Variants in DLG2 observed in about 807,000 individuals in gnomAD.
DLG2 encodes disks large homolog 2.
In DLG2, 45 loss-of-function variants were observed where a neutral mutation model predicts 132.5. The ratio of observed to expected loss-of-function variants is 0.34; its 90% CI spans 0.27 to 0.44. The LOEUF (loss-of-function observed/expected upper bound fraction) is 0.44, where lower values mean the gene tolerates loss of function less well. Ranked by LOEUF, DLG2 falls within the 20% of genes least tolerant of loss-of-function variation. The pLI is 1.00. For synonymous variants in DLG2, 424 were observed against 419.6 expected (o/e 1.01, Z -0.13); for missense variants, 1,045 against 1,196.9 (o/e 0.87, Z 1.87).
chr11:85,304,353 A>G (rs977727206), intron 3 of DLG2, among the ~76,000 whole-genome samples: 2 of 152,152 alleles, frequency 1.3e-5, no homozygotes, highest in Admixed American at 6.5e-5. Context: ...CTTCAGAATT[A>G]ATTTAAGAAA....
chr11:84,424,279 C>T (rs888745106), intron 7 of DLG2, among the ~76,000 whole-genome samples: 4 of 152,088 alleles, frequency 2.6e-5, no homozygotes, highest in Non-Finnish European at 5.9e-5. Flanking sequence ...CCCATCCATG[C>T]TGATATTGTG....
At chr11:84,600,305 G>A (rs931326436) in intron 6 of DLG2, among the ~76,000 whole-genome samples, 2 of 151,882 alleles carry the variant, frequency 1.3e-5, no homozygotes, top group Admixed American at 1.3e-4. Context: ...GAATGTCAGG[G>A]CAAAAATAGG....
At chr11:85,207,195 T>G (rs560388386) in intron 4 of DLG2, among the ~76,000 whole-genome samples, 10 of 152,170 alleles carry the variant, frequency 6.6e-5, no homozygotes, top group Non-Finnish European at 1.5e-4. Context: ...ATTGTACTAA[T>G]GAGGAGGGAA....
chr11:85,524,287 T>A (rs2074566207), intron 3 of DLG2, among the ~76,000 whole-genome samples: 1 of 152,174 alleles, frequency 6.6e-6, no homozygotes, highest in Non-Finnish European at 1.5e-5. Flanking sequence ...TTGCTTGAGG[T>A]GATGAATAGT....
chr11:84,472,851 G>A (rs1567723979), intron 7 of DLG2, among the ~76,000 whole-genome samples: 2 of 151,792 alleles, frequency 1.3e-5, no homozygotes, highest in African/African-American at 2.4e-5. Context: ...TTGCTAATTC[G>A]AGAGATTATC....
At chr11:84,339,922 A>T (rs1261704997) in intron 7 of DLG2, among the ~76,000 whole-genome samples, 1 of 152,178 alleles carries the variant, frequency 6.6e-6, no homozygotes, top group African/African-American at 2.4e-5. Context: ...CTTCAGTATC[A>T]GTAAATCTCC....
intron 3 of DLG2, among the ~76,000 whole-genome samples, chr11:85,514,393 T>G (rs1262765108): frequency 1.3e-5 from 2 of 152,020 alleles, no homozygotes; most frequent in African/African-American, 4.8e-5. Flanking sequence ...TGAAATCACA[T>G]AGGAGAAATT....
intron 7 of DLG2, among the ~76,000 whole-genome samples, chr11:84,266,645 C>T (rs1013465207): frequency 6.6e-6 from 1 of 152,184 alleles, no homozygotes; most frequent in Non-Finnish European, 1.5e-5. Context: ...ACACCATGAA[C>T]TGGGACTGAA....
At position 84,623,307 on chromosome 11, in the gene DLG2, C is replaced by T. The variant is rs971882012; in HGVS notation, c.358-88576G>A. On this transcript the variant is annotated intron_variant, in intron 6 of 27. Coordinates refer to ENST00000376104, the MANE Select transcript of DLG2 (RefSeq NM_001142699.3). Reference sequence around the variant, plus strand: ...GAAACGGCAGACCTTCTGATCTCCCCGACACAAACTTGCTCCCTCCCTATC... The same window carrying T: ...GAAACGGCAGACCTTCTGATCTCCCTGACACAAACTTGCTCCCTCCCTATC... Among the ~76,000 whole-genome samples the T allele has an allele frequency of 3.9e-5, 6 of 151,946 alleles. No individual in the cohort carries two copies. In the South Asian group the frequency reaches 6.2e-4, roughly 16 times the overall value.
intron 6 of DLG2, among the ~76,000 whole-genome samples, chr11:84,623,627 A>C (rs2099617558): frequency 6.6e-6 from 1 of 152,204 alleles, no homozygotes; most frequent in Non-Finnish European, 1.5e-5. Context: ...ATTCTTCTGC[A>C]TTTGAATTTT....
intron 3 of DLG2, among the ~76,000 whole-genome samples, chr11:85,351,320 T>C (rs548890810): frequency 1.3e-5 from 2 of 152,292 alleles, no homozygotes; most frequent in Non-Finnish European, 2.9e-5. Context: ...GCTGAGATGA[T>C]GGGGTTTTCT....
chr11:85,228,129 C>A (rs2075084419), intron 4 of DLG2, among the ~76,000 whole-genome samples: 1 of 152,004 alleles, frequency 6.6e-6, no homozygotes, highest in African/African-American at 2.4e-5. Flanking sequence ...GTTCCTCATA[C>A]CCTATCTCCT....
chr11:83,986,095 C>G (rs2093275146), intron 11 of DLG2, among the ~76,000 whole-genome samples: 1 of 151,394 alleles, frequency 6.6e-6, no homozygotes, highest in Non-Finnish European at 1.5e-5. Flanking sequence ...TTTTAGGGTA[C>G]ATGTGCACAA....
At chr11:84,094,216 A>T (rs906126388) in intron 10 of DLG2, among the ~76,000 whole-genome samples, 6 of 152,250 alleles carry the variant, frequency 3.9e-5, no homozygotes, top group Admixed American at 2.0e-4. Context: ...CCAGTTCCTC[A>T]ATTTTCTTAT....
chr11:84,355,580 G>C (rs183960514), intron 7 of DLG2, among the ~76,000 whole-genome samples: 139 of 152,150 alleles, frequency 9.1e-4, no homozygotes, highest in Middle Eastern at 3.4e-3. Context: ...ATAAACTTTT[G>C]TTGTTATAAG....
intron 3 of DLG2, among the ~76,000 whole-genome samples, chr11:85,480,443 C>A (rs1170957774): frequency 1.3e-5 from 2 of 151,998 alleles, no homozygotes; most frequent in African/African-American, 2.4e-5. Context: ...CTACAAGTAT[C>A]CATAAGGATG....
intron 15 of DLG2, among the ~76,000 whole-genome samples, chr11:83,882,825 G>C (rs965077072): frequency 6.6e-6 from 1 of 152,168 alleles, no homozygotes; most frequent in African/African-American, 2.4e-5. Context: ...CCAGGTATTA[G>C]TTCTTTCCTT....
chr11:83,571,515 C>T (rs558419801), intron 19 of DLG2, among the ~76,000 whole-genome samples: 3 of 149,318 alleles, frequency 2.0e-5, no homozygotes, highest in African/African-American at 7.4e-5. Context: ...TCTGCTTACT[C>T]ACAAGGAATT....
chr11:85,537,642 C>T (rs181637806), intron 3 of DLG2, among the ~76,000 whole-genome samples: 25 of 151,430 alleles, frequency 1.7e-4, no homozygotes, highest in Admixed American at 5.9e-4. Context: ...AGCAAGACCA[C>T]GAACCCACCA....
Sources: gnomAD v4.1 joint callset for allele counts (sites outside exome capture counted in the v4.1 genomes callset) on GRCh38, gnomAD v4.1.1 for gene constraint, MANE v1.5 for transcripts, NCBI Gene and HGNC (gene_info 2026-07-23, HGNC 2026-07-21) for gene names.